PCDH11X: variants seen among roughly 807,000 people sequenced by gnomAD.
PCDH11X encodes the protein protocadherin 11 X-linked.
In PCDH11X, 18 loss-of-function variants were observed where a neutral mutation model predicts 53.3. The ratio of observed to expected loss-of-function variants is 0.34; its 90% CI spans 0.23 to 0.50. The LOEUF is 0.50. PCDH11X is among the 20% of genes least tolerant of loss of function. PCDH11X has a pLI of 0.98. For synonymous variants in PCDH11X, 279 were observed against 393.3 expected (o/e 0.71, Z 3.44); for missense variants, 570 against 1,032.4 (o/e 0.55, Z 6.14).
chrX:91,925,779 C>T (rs1207129883), intron 6 of PCDH11X, among the ~76,000 whole-genome samples: 1 of 110,564 alleles, frequency 9.0e-6, no homozygotes, highest in African/African-American at 3.3e-5. Context: ...GAAAATATAG[C>T]TAGAGCTTGT....
At chrX:92,109,264 T>C (rs12396528) in intron 6 of PCDH11X, among the ~76,000 whole-genome samples, 32,883 of 109,492 alleles carry the variant, frequency 0.3, 5,452 homozygotes, top group African/African-American at 0.62. Context: ...CCAGCTACTC[T>C]GGAGGCTGAG....
intron 5 of PCDH11X, among the ~76,000 whole-genome samples, chrX:91,876,084 A>G (rs113301461): frequency 0.021 from 2,338 of 111,614 alleles, 58 homozygotes; most frequent in African/African-American, 0.073. Flanking sequence ...TTTTTAAAAT[A>G]TACTTTTTTC....
At chrX:91,826,290 G>A (rs1197007264) in intron 4 of PCDH11X, among the ~76,000 whole-genome samples, 2 of 110,891 alleles carry the variant, frequency 1.8e-5, no homozygotes, top group Non-Finnish European at 3.8e-5. Context: ...AGAACATCTT[G>A]TAAATACATT....
rs80025268 is a variant in PCDH11X at position 92,358,846 on chromosome X, T to G, written c.3145-28889T>G. The stretch of plus-strand genomic sequence containing the variant: ...ATTTATCTATTATAAATTCTTCTCA[T>G]AAGGAACTTGCTTATAGGAAGTTTC... On this transcript the variant is annotated intron_variant, in intron 8 of 10. Coordinates refer to ENST00000682573, the MANE Select transcript of PCDH11X (RefSeq NM_032968.5). 3.0e-3 allele frequency among the ~76,000 whole-genome samples: 327 copies of G among 110,410 alleles called. 6 individuals carry two copies. The East Asian group carries it at 0.056, about 19-fold the overall frequency.
intron 8 of PCDH11X, among the ~76,000 whole-genome samples, chrX:92,351,450 T>C (rs1458067367): frequency 9.0e-6 from 1 of 111,724 alleles, no homozygotes; most frequent in African/African-American, 3.2e-5. Context: ...TTCTTTCCAT[T>C]TCTTTAGCTA....
chrX:92,083,176 G>C (rs1471052802), intron 6 of PCDH11X, among the ~76,000 whole-genome samples: 2 of 111,790 alleles, frequency 1.8e-5, no homozygotes, highest in East Asian at 2.8e-4. Flanking sequence ...GGAAATATAT[G>C]GTTGGATGGA....
intron 6 of PCDH11X, among the ~76,000 whole-genome samples, chrX:92,183,755 A>G (rs2066040508): frequency 8.9e-6 from 1 of 112,086 alleles, no homozygotes; most frequent in Non-Finnish European, 1.9e-5. Context: ...TTCAGCAGAC[A>G]CACCACGTAC....
At chrX:91,904,263 A>T (rs756731633) in intron 6 of PCDH11X, among the ~76,000 whole-genome samples, 1 of 110,732 alleles carries the variant, frequency 9.0e-6, no homozygotes, top group East Asian at 2.9e-4. Context: ...GCACCAACCT[A>T]ATATCATAAG....
chrX:92,613,545 TTGTGTGTG>T (rs201132708), intron 10 of PCDH11X, among the ~76,000 whole-genome samples: 4 of 65,526 alleles, frequency 6.1e-5, no homozygotes, highest in East Asian at 4.3e-4. Flanking sequence ...GTTGTTGTTG[TTGTGTGTG>T]TGTGTGTGTG....
At chrX:92,018,748 G>A (rs774978015) in intron 6 of PCDH11X, among the ~76,000 whole-genome samples, 22 of 112,391 alleles carry the variant, frequency 2.0e-4, no homozygotes, top group African/African-American at 7.1e-4. Flanking sequence ...GTTTGCATGT[G>A]TACACACACA....
intron 10 of PCDH11X, among the ~76,000 whole-genome samples, chrX:92,480,099 C>T (rs1462616019): frequency 1.8e-5 from 2 of 111,132 alleles, no homozygotes; most frequent in Non-Finnish European, 3.8e-5. Context: ...AGAAAGCTGA[C>T]CTTCAGACTC....
chrX:91,799,350 T>C (rs1265690433), intron 1 of PCDH11X, among the ~76,000 whole-genome samples: 1 of 111,731 alleles, frequency 9.0e-6, no homozygotes, highest in Non-Finnish European at 1.9e-5. Flanking sequence ...ACATGTCTAT[T>C]GAGGAATTGT....
rs7891910 is a variant in PCDH11X, at chrX:91,883,792, A to G, written c.3033+4519A>G. ...TGCACTCCAGCCTGGGTGACAGAGC[A>G]AGACTCTGTCTCAAAAAGAAAAAAA... is the stretch of plus-strand genomic sequence containing the variant. On this transcript the variant is annotated intron_variant, in intron 6 of 10. Transcript: ENST00000682573. 0.026 allele frequency: 18,881 copies of G among 717,771 alleles called. 2,686 individuals are homozygous for G. The African/African-American group carries it at 0.41, about 16-fold the overall frequency. 59.2% of individuals were successfully genotyped at this position (717,771 alleles called of 1,213,427 possible).
intron 9 of PCDH11X, among the ~76,000 whole-genome samples, chrX:92,397,598 T>C (rs1357694814): frequency 9.7e-6 from 1 of 103,087 alleles, no homozygotes; most frequent in African/African-American, 3.6e-5. Context: ...TCTACATTCT[T>C]TTAAAGAATG....
chrX:92,033,827 G>A (rs1156999123), intron 6 of PCDH11X, among the ~76,000 whole-genome samples: 1 of 107,817 alleles, frequency 9.3e-6, no homozygotes, highest in African/African-American at 3.4e-5. Context: ...TTTTTAAGAT[G>A]CATAGTTAGG....
intron 10 of PCDH11X, among the ~76,000 whole-genome samples, chrX:92,525,631 CAA>C (rs60062573): frequency 6.5e-4 from 32 of 49,076 alleles, no homozygotes; most frequent in African/African-American, 1.2e-3. Flanking sequence ...AACTCTTTCT[CAA>C]AAAAAAAAAA....
intron 6 of PCDH11X, among the ~76,000 whole-genome samples, chrX:91,994,541 T>C (rs1343342272): frequency 3.4e-5 from 3 of 88,030 alleles, no homozygotes; most frequent in Admixed American, 1.2e-4. Context: ...TTTCTTCATT[T>C]ATATATTGAT....
At chrX:92,384,583 T>C (rs1487245429) in intron 8 of PCDH11X, among the ~76,000 whole-genome samples, 1 of 90,797 alleles carries the variant, frequency 1.1e-5, no homozygotes, top group African/African-American at 4.1e-5. Context: ...ACTTGGTGTG[T>C]GAGGGGAAGC....
intron 6 of PCDH11X, among the ~76,000 whole-genome samples, chrX:91,941,003 T>C (rs2061502215): frequency 9.0e-6 from 1 of 110,812 alleles, no homozygotes; most frequent in Admixed American, 9.6e-5. Flanking sequence ...TAAAAAATAT[T>C]CAATCTACTG....
Sources: allele counts gnomAD v4.1 joint callset (sites outside exome capture counted in the v4.1 genomes callset), GRCh38; gene constraint gnomAD v4.1.1; transcripts MANE v1.5; gene names NCBI Gene and HGNC (gene_info 2026-07-23, HGNC 2026-07-21).